The following STEAP1B variants were observed in gnomAD, a reference collection of about 807,000 sequenced individuals.
The protein encoded by STEAP1B is STEAP family protein MGC87042.
A neutral mutation model predicts 27.9 loss-of-function variants in STEAP1B; 13 were observed. The observed-to-expected ratio is 0.47, with a 90% confidence interval of 0.30 to 0.74. The LOEUF is 0.74. Among genes scored for constraint, STEAP1B ranks in the 30% least tolerant of loss-of-function variants. STEAP1B has a pLI of 0.06. For synonymous variants in STEAP1B, 86 were observed against 107.1 expected, an observed-to-expected ratio of 0.80 and a Z score of 1.22; for missense variants, 250 against 298.7, an observed-to-expected ratio of 0.84 and a Z score of 1.20.
At chr7:22,438,126 C>G (rs999172113) in intron 4 of STEAP1B, among the ~76,000 whole-genome samples, 11 of 152,098 alleles carry the variant, frequency 7.2e-5, no homozygotes, top group African/African-American at 2.4e-4. Context: ...CAATTTTCAA[C>G]CCATCTTTTA....
intron 4 of STEAP1B, among the ~76,000 whole-genome samples, chr7:22,456,968 A>ATTTTTTTTTTTTTTTTTT (rs1554285700): frequency 2.1e-5 from 1 of 47,944 alleles, no homozygotes; most frequent in African/African-American, 6.2e-5. Flanking sequence ...ATATATATAT[A>ATTTTTTTTTTTTTTTTTT]TATATTTTTT....
chr7:22,462,477 C>G (rs565799487), intron 4 of STEAP1B, among the ~76,000 whole-genome samples: 2 of 129,926 alleles, frequency 1.5e-5, no homozygotes, highest in Admixed American at 1.6e-4. Context: ...TGAGAATACG[C>G]GGTGTTTGGT....
chr7:22,420,453 A>G (rs933889730), intron 4 of STEAP1B, among the ~76,000 whole-genome samples: 10 of 152,224 alleles, frequency 6.6e-5, no homozygotes, highest in Admixed American at 5.2e-4. Flanking sequence ...AATCATATGC[A>G]TCTTTTCTCA....
chr7:22,493,589 A>G lies in STEAP1B; in HGVS notation c.332T>C (p.Ile111Thr), dbSNP rs763757011. The G allele has an allele frequency of 8.1e-6, 13 of 1,613,850 alleles. No homozygotes were observed. The African/African-American group carries it at 1.7e-4, about 22-fold the overall frequency. The change falls in exon 3 of 5, where the codon ATC (isoleucine) becomes ACC (threonine). Residue 111 changes from isoleucine to threonine, a missense_variant. Coordinates refer to ENST00000678116, the MANE Select transcript of STEAP1B (RefSeq NM_001382447.1). ...SHQQYFYKIP[I>T]LVINKVLPMV... is the part of the protein sequence containing the mutation. ...TGGCAAGACTTTGTTGATGACCAGG[A>G]TTGGAATTTTATAAAAATATTGTTG... is the stretch of plus-strand genomic sequence containing the variant.
intron 4 of STEAP1B, among the ~76,000 whole-genome samples, chr7:22,439,619 C>T (rs1312406290): frequency 6.6e-6 from 1 of 152,008 alleles, no homozygotes; most frequent in Admixed American, 6.6e-5. Flanking sequence ...TGGGGGAGCA[C>T]AGGTTCATGG....
At position 22,493,648 on chromosome 7, in the gene STEAP1B, C is replaced by T. The variant is rs1007880061; in HGVS notation, c.273G>A (p.Leu91=). The T allele has an allele frequency of 7.4e-6, 12 of 1,613,972 alleles. No homozygotes were observed. Among genetic ancestry groups the T allele is most frequent in the Admixed American group, 5.0e-5 (3 of 60,008 alleles). ...TTGCTAAAGGGTGAATTACTTCCCTCAGAAGAGTGTAAAGAAAAGTCAGAG... is the reference window on the plus strand; with the variant it reads ...TTGCTAAAGGGTGAATTACTTCCCTTAGAAGAGTGTAAAGAAAAGTCAGAG... The part of the protein sequence containing the change: ...MASLTFLYTL[L]REVIHPLATS... The change falls in exon 3 of 5, where the codon CTG becomes CTA. Residue 91 remains leucine, a synonymous_variant. Transcript: ENST00000678116.
chr7:22,442,101 T>C (rs540681202), intron 4 of STEAP1B, among the ~76,000 whole-genome samples: 1 of 152,316 alleles, frequency 6.6e-6, no homozygotes, highest in African/African-American at 2.4e-5. Context: ...CTGTAAGTAC[T>C]TGTGGAATGA....
At chr7:22,485,571 C>T (rs980548743) in intron 4 of STEAP1B, among the ~76,000 whole-genome samples, 1 of 152,160 alleles carries the variant, frequency 6.6e-6, no homozygotes, top group African/African-American at 2.4e-5. Context: ...TCACTGCAGC[C>T]TCAAACTCCT....
intron 4 of STEAP1B, among the ~76,000 whole-genome samples, chr7:22,438,247 C>A (rs1166109680): frequency 1.3e-5 from 2 of 152,198 alleles, no homozygotes; most frequent in Admixed American, 6.5e-5. Flanking sequence ...CCATGGCCAA[C>A]AAAGTCATAC....
chr7:22,470,338 T>C (rs1288806563), intron 4 of STEAP1B, among the ~76,000 whole-genome samples: 2 of 152,210 alleles, frequency 1.3e-5, no homozygotes, highest in Non-Finnish European at 2.9e-5. Context: ...GTGATTAGAT[T>C]GTAACAAAAA....
At chr7:22,490,122 C>T (rs796703629) in intron 4 of STEAP1B, among the ~76,000 whole-genome samples, 2 of 151,752 alleles carry the variant, frequency 1.3e-5, no homozygotes, top group Non-Finnish European at 2.9e-5. Context: ...AGATCTTTTT[C>T]GATTTATCTT....
chr7:22,420,146 T>C lies in STEAP1B; in HGVS notation c.763-310A>G, dbSNP rs1372819960. On this transcript the variant is annotated intron_variant, in intron 4 of 4. Coordinates refer to ENST00000678116, the MANE Select transcript of STEAP1B (RefSeq NM_001382447.1). ...TTAAATTGTCTTCATAATTGTTCTG[T>C]TGACTGGCAAGCTCAGGGGCAAGGA... 4.6e-5 allele frequency among the ~76,000 whole-genome samples: 7 copies of C among 152,322 alleles called. No homozygotes were observed. The East Asian group carries it at 1.4e-3, about 29-fold the overall frequency.
intron 4 of STEAP1B, among the ~76,000 whole-genome samples, chr7:22,441,964 T>C (rs1388737449): frequency 1.3e-5 from 2 of 152,246 alleles, no homozygotes; most frequent in African/African-American, 2.4e-5. Context: ...CTTTCTTTAG[T>C]CAGCAGGTCC....
chr7:22,459,091 T>C (rs1269303129), intron 4 of STEAP1B, among the ~76,000 whole-genome samples: 1 of 152,206 alleles, frequency 6.6e-6, no homozygotes, highest in Non-Finnish European at 1.5e-5. Flanking sequence ...TCTCAGCATG[T>C]CAGACCCATG....
At chr7:22,472,404 T>C (rs1785900342) in intron 4 of STEAP1B, among the ~76,000 whole-genome samples, 1 of 152,134 alleles carries the variant, frequency 6.6e-6, no homozygotes, top group Non-Finnish European at 1.5e-5. Context: ...CAATAGCAAA[T>C]GTCAAAAGTA....
intron 1 of STEAP1B, among the ~76,000 whole-genome samples, chr7:22,495,109 T>C (rs891728657): frequency 1.3e-5 from 2 of 152,270 alleles, no homozygotes; most frequent in African/African-American, 4.8e-5. Flanking sequence ...TATCCACTTA[T>C]TTGTTCAATG....
intron 4 of STEAP1B, among the ~76,000 whole-genome samples, chr7:22,443,165 G>A (rs1210140005): frequency 6.6e-6 from 1 of 152,118 alleles, no homozygotes; most frequent in Non-Finnish European, 1.5e-5. Context: ...TAAATCTCCT[G>A]GAACAACTCT....
At chr7:22,421,909 A>C (rs1276162149) in intron 4 of STEAP1B, among the ~76,000 whole-genome samples, 4 of 152,224 alleles carry the variant, frequency 2.6e-5, no homozygotes, top group Non-Finnish European at 5.9e-5. Flanking sequence ...AGAACCTCCC[A>C]TGGGAAAATC....
intron 4 of STEAP1B, among the ~76,000 whole-genome samples, chr7:22,425,578 C>T (rs1298354030): frequency 6.6e-6 from 1 of 152,216 alleles, no homozygotes; most frequent in Non-Finnish European, 1.5e-5. Flanking sequence ...GCTCTGAACA[C>T]TGTAACTGGC....
Sources: gnomAD v4.1 joint callset for allele counts (sites outside exome capture counted in the v4.1 genomes callset) on GRCh38, gnomAD v4.1.1 for gene constraint, MANE v1.5 for transcripts, NCBI Gene and HGNC (gene_info 2026-07-23, HGNC 2026-07-21) for gene names.